ADAMTS20: variants seen among roughly 807,000 people sequenced by gnomAD.
The protein encoded by ADAMTS20 is A disintegrin and metalloproteinase with thrombospondin motifs 20.
ADAMTS20 carries 225 observed loss-of-function variants against 260.1 expected under a neutral mutation model. The observed-to-expected ratio is 0.87, with a 90% CI of 0.78 to 0.97. The LOEUF (loss-of-function observed/expected upper bound fraction) is 0.97. ADAMTS20 is among the 50% of genes least tolerant of loss of function. The pLI, the probability that ADAMTS20 is intolerant of heterozygous loss-of-function variation, is 0.00. For missense variants in ADAMTS20, 2,400 were observed against 2,337.7 expected (o/e 1.03, Z -0.55); for synonymous variants, 802 against 769.5 (o/e 1.04, Z -0.70).
chr12:43,382,315 C>T (rs765704898), intron 31 of ADAMTS20, among the ~76,000 whole-genome samples: 66 of 152,156 alleles, frequency 4.3e-4, no homozygotes, highest in Admixed American at 1.8e-3. Context: ...AGGAATGAAG[C>T]ATTGATGTAT....
intron 2 of ADAMTS20, among the ~76,000 whole-genome samples, chr12:43,534,874 A>C (rs1239113332): frequency 6.6e-6 from 1 of 152,176 alleles, no homozygotes; most frequent in East Asian, 1.9e-4. Context: ...AACTGGGTGC[A>C]TGTAGGATGG....
At position 43,429,686 on chromosome 12, in the gene ADAMTS20, A is replaced by G. The variant is rs1193418845; in HGVS notation, c.3420T>C (p.Leu1140=). Residue 1140 remains leucine, a synonymous_variant, in exon 24 of 39, where the codon CTT becomes CTC. Coordinates refer to ENST00000389420, the MANE Select transcript of ADAMTS20 (RefSeq NM_025003.5). ...VLTPCSFISK[L]ETALLPTVLI... ...GAACAGTTGGTAATAAAGCGGTCTCAAGTTTAGAAATAAATGAGCAAGGTG... is the reference window on the plus strand; with the variant it reads ...GAACAGTTGGTAATAAAGCGGTCTCGAGTTTAGAAATAAATGAGCAAGGTG... 5.6e-6 allele frequency: 9 copies of G among 1,595,108 alleles called. No homozygotes were observed. The highest frequency in any genetic ancestry group is 7.7e-6 in the Non-Finnish European group (9 of 1,169,502).
At chr12:43,415,926 T>A (rs1034504106) in intron 28 of ADAMTS20, among the ~76,000 whole-genome samples, 1 of 152,342 alleles carries the variant, frequency 6.6e-6, no homozygotes, top group South Asian at 2.1e-4. Context: ...CAATGTGTAA[T>A]CCTAGTGCTC....
chr12:43,502,216 T>C lies in ADAMTS20; in HGVS notation c.803A>G (p.Asp268Gly). 2 of 1,611,280 alleles carry C rather than the reference T, an allele frequency of 1.2e-6. No homozygotes were observed. The highest frequency in any genetic ancestry group is 1.7e-6 in the Non-Finnish European group (2 of 1,178,916). ...PRYIEIMVTA[D>G]AKVVSAHGSN... The stretch of plus-strand genomic sequence containing the variant: ...TCCATGAGCAGAAACCACTTTAGCA[T>C]CAGCTGTAACCATAATTTCAATGTA... Residue 268 changes from aspartate to glycine, a missense_variant, in exon 4 of 39, where the codon GAT becomes GGT. Coordinates refer to ENST00000389420, the MANE Select transcript of ADAMTS20 (RefSeq NM_025003.5).
intron 28 of ADAMTS20, chr12:43,422,763 C>T (rs1308068624): frequency 6.6e-6 from 1 of 151,988 alleles, no homozygotes; most frequent in East Asian, 1.9e-4. Context: ...TAATTCTGCA[C>T]ATCTGTCTTA....
At chr12:43,507,901 C>T (rs1942868867) in intron 3 of ADAMTS20, among the ~76,000 whole-genome samples, 1 of 152,158 alleles carries the variant, frequency 6.6e-6, no homozygotes, top group South Asian at 2.1e-4. Context: ...AAACCAAATA[C>T]TGCATGTTCT....
intron 7 of ADAMTS20, among the ~76,000 whole-genome samples, chr12:43,484,924 A>T (rs1344205142): frequency 1.3e-5 from 2 of 152,116 alleles, no homozygotes; most frequent in Admixed American, 1.3e-4. Flanking sequence ...GTCAACATGT[A>T]GGAAAGAACC....
At chr12:43,396,156 T>C (rs1461353486) in intron 29 of ADAMTS20, among the ~76,000 whole-genome samples, 1 of 152,198 alleles carries the variant, frequency 6.6e-6, no homozygotes, top group South Asian at 2.1e-4. Flanking sequence ...TATAGCAATG[T>C]TTGTTCCTGT....
At chr12:43,392,492 A>G (rs1336612900) in intron 29 of ADAMTS20, among the ~76,000 whole-genome samples, 2 of 152,114 alleles carry the variant, frequency 1.3e-5, no homozygotes, top group Non-Finnish European at 2.9e-5. Context: ...CCTCTTCTCT[A>G]AAAAGAAAAA....
intron 14 of ADAMTS20, among the ~76,000 whole-genome samples, chr12:43,451,515 C>G: frequency 6.6e-6 from 1 of 151,998 alleles, no homozygotes; most frequent in Non-Finnish European, 1.5e-5. Flanking sequence ...ATTTGACAAC[C>G]ATCTGCTAGT....
rs559159349 is a variant in ADAMTS20 at position 43,471,179 on chromosome 12, G to A, written c.1118-2474C>T. 7.8e-4 allele frequency among the ~76,000 whole-genome samples: 119 copies of A among 152,274 alleles called. 1 individual carries two copies. Among genetic ancestry groups the A allele is most frequent in the African/African-American group, 2.7e-3 (111 of 41,570 alleles). On this transcript the variant is annotated intron_variant, in intron 7 of 38. Transcript: ENST00000389420. ...CGAGGCATTGCCTCACCTGGGAAGC[G>A]CAAGGGGTCAGGGAGTTCCCTTTCC...
rs965751536 is a variant in ADAMTS20, at chr12:43,376,291, T to G, written c.5165A>C (p.Asn1722Thr). The change falls in exon 34 of 39, where the codon AAC becomes ACC. Residue 1722 changes from asparagine to threonine, a missense_variant. Physicochemically the swap from Asn to Thr is moderately conservative, Grantham distance 65. Transcript: ENST00000389420. ...FTTCKEIQVK[N>T]HIRKDGDYYL... ...ATAGTCACCATCCTTTCTAATGTGG[T>G]TTTTCACTTGAATTTCTTTGCAGGT... is the stretch of plus-strand genomic sequence containing the variant. 1.1e-5 allele frequency: 17 copies of G among 1,555,794 alleles called. No individual in the cohort carries two copies. Among genetic ancestry groups the G allele is most frequent in the Non-Finnish European group, 1.5e-5 (17 of 1,148,408 alleles).
Position 43,452,396 on chromosome 12 carries a change from G to A in ADAMTS20, c.1957C>T (p.Arg653Cys), listed in dbSNP as rs79065113. The A allele has an allele frequency of 2.3e-5, 37 of 1,611,414 alleles. No homozygotes were observed. The highest frequency in any genetic ancestry group is 3.4e-5 in the Admixed American group (2 of 59,620). The change falls in exon 14 of 39, where the codon CGT becomes TGT. Residue 653 changes from arginine to cysteine, a missense_variant. Transcript: ENST00000389420. ...GCAACCTGACAATAGAGTTTACAAC[G>A]ATCCTTTGTGCCAACTGTAAAAAAG... ...PRYSGIGTKD[R>C]CKLYCQVAGT...
At chr12:43,420,800 CTTTTTTTTTTTTT>C (rs747496684) in intron 28 of ADAMTS20, among the ~76,000 whole-genome samples, 1 of 55,494 alleles carries the variant, frequency 1.8e-5, no homozygotes, top group Non-Finnish European at 3.1e-5. Flanking sequence ...CCTCCTCCTT[CTTTTTTTTTTTTT>C]TTTTTTTTTT....
intron 23 of ADAMTS20, 45 bp downstream of exon 23, chr12:43,430,307 T>C: frequency 6.4e-7 from 1 of 1,573,206 alleles, no homozygotes; most frequent in South Asian, 1.2e-5. Flanking sequence ...CAATAATCTT[T>C]CTGTCTCATA....
chr12:43,499,890 G>A (rs10748363), intron 4 of ADAMTS20, among the ~76,000 whole-genome samples: 103,875 of 151,970 alleles, frequency 0.68, 35,873 homozygotes, highest in East Asian at 1. Context: ...TTCCAAAATT[G>A]GTCCTGTGTT....
chr12:43,467,353 T>C (rs1265033648), intron 8 of ADAMTS20, among the ~76,000 whole-genome samples: 1 of 152,072 alleles, frequency 6.6e-6, no homozygotes, highest in Non-Finnish European at 1.5e-5. Context: ...CACATCTTCA[T>C]GACTTAATTA....
intron 2 of ADAMTS20, among the ~76,000 whole-genome samples, chr12:43,547,741 C>A (rs1943459452): frequency 6.6e-6 from 1 of 152,050 alleles, no homozygotes; most frequent in African/African-American, 2.4e-5. Flanking sequence ...ATCACTGAGA[C>A]AAGAAATCAA....
chr12:43,410,403 A>G (rs541800892), intron 28 of ADAMTS20, among the ~76,000 whole-genome samples: 1 of 152,364 alleles, frequency 6.6e-6, no homozygotes, highest in Middle Eastern at 3.4e-3. Flanking sequence ...TGATTAAAAC[A>G]TAACGAAACT....
Sources: gnomAD v4.1 joint callset for allele counts (sites outside exome capture counted in the v4.1 genomes callset) on GRCh38, gnomAD v4.1.1 for gene constraint, MANE v1.5 for transcripts, NCBI Gene and HGNC (gene_info 2026-07-23, HGNC 2026-07-21) for gene names.